The following LARS1 variants were observed in gnomAD, a reference collection of about 807,000 sequenced individuals.
The protein encoded by LARS1 is leucyl-tRNA synthetase 1, also known as leucine--tRNA ligase, cytoplasmic.
Under a neutral mutation model 162.8 loss-of-function variants are expected in LARS1, and 100 were observed. The observed-to-expected ratio is 0.61, with a 90% CI of 0.52 to 0.73. LARS1 has a LOEUF of 0.73. LARS1 is among the 30% of genes least tolerant of loss of function. The pLI, the probability that LARS1 is intolerant of heterozygous loss-of-function variation, is 0.00. For missense variants in LARS1, 1,258 were observed against 1,408.9 expected (o/e 0.89, Z 1.71); for synonymous variants, 457 against 462.8 (o/e 0.99, Z 0.16).
At chr5:146,122,027 A>G (rs892269909) in intron 30 of LARS1, among the ~76,000 whole-genome samples, 1 of 152,138 alleles carries the variant, frequency 6.6e-6, no homozygotes, top group African/African-American at 2.4e-5. Flanking sequence ...GTCTTCACCA[A>G]TAACAGCCAA....
chr5:146,162,837 C>CA (rs1753832725), intron 6 of LARS1, among the ~76,000 whole-genome samples: 1 of 152,224 alleles, frequency 6.6e-6, no homozygotes. Context: ...CACCTTGCAG[C>CA]AGAGTCTCGC....
At chr5:146,175,834 A>C (rs944172061) in intron 2 of LARS1, among the ~76,000 whole-genome samples, 24 of 151,636 alleles carry the variant, frequency 1.6e-4, no homozygotes, top group Non-Finnish European at 2.2e-4. Context: ...TCTCAAAAAA[A>C]AAAAACAAAA....
chr5:146,131,689 CT>C, intron 23 of LARS1: 1 of 152,438 alleles, frequency 6.6e-6, no homozygotes, highest in Non-Finnish European at 1.5e-5. Context: ...CAGGATCTCA[CT>C]TTGTTGCCCT....
At chr5:146,174,068 A>G (rs1754396100) in intron 2 of LARS1, among the ~76,000 whole-genome samples, 1 of 151,296 alleles carries the variant, frequency 6.6e-6, no homozygotes, top group Admixed American at 6.6e-5. Flanking sequence ...CCAAACCTCT[A>G]GAAGAAAATA....
intron 28 of LARS1, among the ~76,000 whole-genome samples, chr5:146,124,881 T>C (rs1751978738): frequency 6.6e-6 from 1 of 151,876 alleles, no homozygotes; most frequent in Admixed American, 6.6e-5. Context: ...AACCACTAAT[T>C]TGCCTGGCAA....
Position 146,122,552 on chromosome 5 carries a change from T to C in LARS1, c.3132A>G (p.Ala1044=), listed in dbSNP as rs1240203462. The C allele has an allele frequency of 1.2e-6, 2 of 1,610,358 alleles. No individual in the cohort carries two copies. The highest frequency in any genetic ancestry group is 1.7e-6 in the Non-Finnish European group (2 of 1,177,572). ...AGCAGTCTTCCCTGATTTTATCTTCTGCTTCGGAGGCAAACTTGACTTCTA... is the reference window on the plus strand; with the variant it reads ...AGCAGTCTTCCCTGATTTTATCTTCCGCTTCGGAGGCAAACTTGACTTCTA... The part of the protein sequence containing the change: ...EHIEVKFASE[A]EDKIREDCCP... The change falls in exon 30 of 32, where the codon GCA becomes GCG. Residue 1044 remains alanine, a synonymous_variant. Coordinates refer to ENST00000394434, the MANE Select transcript of LARS1 (RefSeq NM_020117.11).
At chr5:146,126,593 A>C (rs1488053219) in intron 27 of LARS1, 48 bp from the exon 28 acceptor site, 1 of 1,284,070 alleles carries the variant, frequency 7.8e-7, no homozygotes, top group Admixed American at 1.7e-5. Flanking sequence ...AAGTCTCAAG[A>C]ATAAGGCAGA....
rs757865562 is a variant in LARS1, at chr5:146,153,918, T to C, written c.1128A>G (p.Pro376=). Residue 376 remains proline (P), a synonymous_variant, in exon 11 of 32, where the codon CCA becomes CCG. Coordinates refer to ENST00000394434, the MANE Select transcript of LARS1 (RefSeq NM_020117.11). ...LTSYKVIYVL[P]MLTIKEDKGT... is the part of the protein sequence containing the mutation. ...CTTTATCCTCCTTAATAGTTAGCAT[T>C]GGGAGAACATAGATCACCTTGTATG... 1 of 1,611,958 alleles carries C rather than the reference T, an allele frequency of 6.2e-7. No individual in the cohort carries two copies. The highest frequency in any genetic ancestry group is 8.5e-7 in the Non-Finnish European group (1 of 1,178,922).
intron 21 of LARS1, among the ~76,000 whole-genome samples, chr5:146,139,860 G>C (rs535443303): frequency 9.3e-6 from 1 of 107,560 alleles, no homozygotes; most frequent in African/African-American, 3.8e-5. Flanking sequence ...GGGAGACAGC[G>C]AGACTCCGTC....
intron 6 of LARS1, among the ~76,000 whole-genome samples, chr5:146,161,934 C>T (rs780184427): frequency 1.5e-4 from 23 of 152,188 alleles, no homozygotes; most frequent in Non-Finnish European, 2.6e-4. Context: ...GAATCCTCAT[C>T]CATTCAAGTT....
At chr5:146,161,753 C>CAAA (rs202231403) in intron 6 of LARS1, among the ~76,000 whole-genome samples, 30,348 of 129,718 alleles carry the variant, frequency 0.23, 4,098 homozygotes, top group Admixed American at 0.35. Context: ...AACTCCATCT[C>CAAA]AAAAAAAAAA....
chr5:146,180,857 G>A (rs72824110), intron 1 of LARS1, among the ~76,000 whole-genome samples: 9,326 of 152,174 alleles, frequency 0.061, 329 homozygotes, highest in Non-Finnish European at 0.069. Context: ...TACACTTTGG[G>A]CCAAATAATT....
At chr5:146,136,633 C>T (rs1304117144) in intron 21 of LARS1, among the ~76,000 whole-genome samples, 2 of 151,436 alleles carry the variant, frequency 1.3e-5, no homozygotes. Context: ...AGGCGCGCAC[C>T]ATCATGCCCA....
Position 146,149,705 on chromosome 5 carries a change from A to G in LARS1, c.1426-6T>C. 6.2e-7 allele frequency: 1 copy of G among 1,601,446 alleles called. No individual in the cohort carries two copies. The highest frequency in any genetic ancestry group is 8.6e-7 in the Non-Finnish European group (1 of 1,168,678). ...AATCCATCCACCAACATGATCTAAA[A>G]GGATGAGAGGGGAGAAAAACCACAT... On this transcript the variant is annotated splice_polypyrimidine_tract_variant and splice_region_variant and intron_variant, in intron 14 of 31. Coordinates refer to ENST00000394434, the MANE Select transcript of LARS1 (RefSeq NM_020117.11).
chr5:146,141,837 C>A (rs1752790390), intron 20 of LARS1, among the ~76,000 whole-genome samples: 2 of 151,508 alleles, frequency 1.3e-5, no homozygotes, highest in South Asian at 4.2e-4. Flanking sequence ...CAGTGGATGA[C>A]AAGTAGTGTA....
chr5:146,168,961 T>C (rs1418781472), intron 4 of LARS1, among the ~76,000 whole-genome samples: 2 of 152,104 alleles, frequency 1.3e-5, no homozygotes, highest in African/African-American at 2.4e-5. Context: ...ATATACCTAA[T>C]GTAAATGACG....
At chr5:146,172,062 CA>C in intron 3 of LARS1, 72 bp from the exon 4 acceptor site, 9 of 1,347,440 alleles carry the variant, frequency 6.7e-6, no homozygotes, top group Non-Finnish European at 8.4e-6. Context: ...ACTTTTCACA[CA>C]AAAAAATTAG....
intron 7 of LARS1, among the ~76,000 whole-genome samples, chr5:146,159,722 A>G (rs1479357329): frequency 1.3e-5 from 2 of 152,150 alleles, no homozygotes; most frequent in Non-Finnish European, 2.9e-5. Flanking sequence ...TATTGAACAA[A>G]AGATTATAAA....
In LARS1 at chr5:146,140,246, T is replaced by C; in HGVS notation, c.2106A>G (p.Thr702=). ...GGAGATGTCCATTTGCTCTCACAGCTGTAGGCCATTTGTCACTTCACAGAT... is the reference window on the plus strand; with the variant it reads ...GGAGATGTCCATTTGCTCTCACAGCCGTAGGCCATTTGTCACTTCACAGAT... ...MWPEQSDKWP[T]AVRANGHLLL... The change falls in exon 21 of 32, where the codon ACA becomes ACG. Residue 702 remains threonine, a synonymous_variant. Coordinates refer to ENST00000394434, the MANE Select transcript of LARS1 (RefSeq NM_020117.11). 1.2e-6 allele frequency: 2 copies of C among 1,610,664 alleles called. No homozygotes were observed. Among genetic ancestry groups the C allele is most frequent in the South Asian group, 2.2e-5 (2 of 91,040 alleles).
Sources: gnomAD v4.1 joint callset for allele counts (sites outside exome capture counted in the v4.1 genomes callset) on GRCh38, gnomAD v4.1.1 for gene constraint, MANE v1.5 for transcripts, NCBI Gene and HGNC (gene_info 2026-07-23, HGNC 2026-07-21) for gene names.